The following AHRR variants were observed in gnomAD, a reference collection of about 807,000 sequenced individuals.
The protein encoded by AHRR is aryl hydrocarbon receptor repressor, also known as ahR repressor.
A neutral mutation model predicts 44.0 loss-of-function variants in AHRR; 28 were observed. The ratio of observed to expected loss-of-function variants is 0.64; its 90% CI spans 0.47 to 0.87. The LOEUF (loss-of-function observed/expected upper bound fraction) is 0.87. Among genes scored for constraint, AHRR ranks in the 40% least tolerant of loss-of-function variants. The pLI is 0.00. For synonymous variants in AHRR, 434 were observed against 407.0 expected (o/e 1.07, Z -0.80); for missense variants, 990 against 953.9 (o/e 1.04, Z -0.50).
chr5:363,583 T>G (rs962279933), intron 3 of AHRR, among the ~76,000 whole-genome samples: 1 of 152,202 alleles, frequency 6.6e-6, no homozygotes, highest in African/African-American at 2.4e-5. Flanking sequence ...TTAGGGTTAT[T>G]TCCACATGCA....
intron 4 of AHRR, among the ~76,000 whole-genome samples, chr5:403,541 C>T (rs1735116565): frequency 6.6e-6 from 1 of 151,118 alleles, no homozygotes; most frequent in South Asian, 2.1e-4. Context: ...GAGGCTGCAG[C>T]AGGAGAACTG....
rs553269092 is a variant in AHRR, at chr5:375,303, G to A, written c.245-1307G>A. Among the ~76,000 whole-genome samples the A allele has an allele frequency of 5.3e-5, 8 of 152,354 alleles. No homozygotes were observed. The East Asian group carries it at 7.7e-4, about 15-fold the overall frequency. ...AATAGACACGTGCGCTTTTCGATGA[G>A]GCGGTGCCCCTCAAACTTGATTTTC... is the stretch of plus-strand genomic sequence containing the variant. On this transcript the variant is annotated intron_variant, in intron 3 of 10. Transcript: ENST00000684583.
intron 2 of AHRR, among the ~76,000 whole-genome samples, chr5:350,925 A>G (rs7705398): frequency 0.086 from 13,035 of 151,930 alleles, 1,801 homozygotes; most frequent in African/African-American, 0.29. Context: ...AAACAACCCA[A>G]TTTAAAACTG....
At chr5:389,584 C>T (rs575625191) in intron 4 of AHRR, among the ~76,000 whole-genome samples, 146 of 152,104 alleles carry the variant, frequency 9.6e-4, no homozygotes, top group African/African-American at 3.3e-3. Context: ...GGCTCTTCCT[C>T]GGCCCTGCAG....
intron 1 of AHRR, among the ~76,000 whole-genome samples, chr5:323,850 C>T (rs76589558): frequency 0.092 from 14,049 of 152,122 alleles, 921 homozygotes; most frequent in Non-Finnish European, 0.12. Context: ...AACGGAGCTC[C>T]TTGCGGAGGA....
At chr5:430,496 G>A (rs1023049864) in intron 8 of AHRR, among the ~76,000 whole-genome samples, 4 of 152,232 alleles carry the variant, frequency 2.6e-5, no homozygotes, top group South Asian at 2.1e-4. Flanking sequence ...GCTCTGGGAC[G>A]CCCTGCTCAG....
chr5:387,707 C>T lies in AHRR; in HGVS notation c.351+10991C>T, dbSNP rs1033438781. Among the ~76,000 whole-genome samples the T allele has an allele frequency of 3.3e-5, 5 of 152,168 alleles. No individual in the cohort carries two copies. The highest frequency in any genetic ancestry group is 9.7e-5 in the African/African-American group (4 of 41,440). Reference sequence around the variant, plus strand: ...CATAGTGGTGATGGTGGTGGACGCTCGTGTTTTCTGAGTGTGATCGTGTGT... The same window carrying T: ...CATAGTGGTGATGGTGGTGGACGCTTGTGTTTTCTGAGTGTGATCGTGTGT... On this transcript the variant is annotated intron_variant, in intron 4 of 10. Transcript: ENST00000684583. The surrounding 1 kb of genome is among the most constrained non-coding windows in gnomAD (Gnocchi z 5.1).
chr5:362,680 C>T lies in AHRR; in HGVS notation c.244+8769C>T, dbSNP rs189072465. 4.6e-5 allele frequency among the ~76,000 whole-genome samples: 7 copies of T among 152,330 alleles called. No homozygotes were observed. In the East Asian group the frequency reaches 1.3e-3, roughly 29 times the overall value. On this transcript the variant is annotated intron_variant, in intron 3 of 10. Transcript: ENST00000684583. ...ACCCTGAGGTCCTCAGGAATGGTTT[C>T]CCAAGTACTGTTGTAGTTGTATGGC...
At position 432,743 on chromosome 5, in the gene AHRR, C is replaced by T. The variant is rs1405470931; in HGVS notation, c.971-63C>T. ...GTCCTGCCTTGCTGAGAACAAGCAA[C>T]CGTCTTCCAGGAGCTCCTCAGCTCG... On this transcript the variant is annotated intron_variant, in intron 9 of 10. Transcript: ENST00000684583. 4.1e-5 allele frequency: 66 copies of T among 1,612,990 alleles called. 2 individuals carry two copies. In the Middle Eastern group the frequency reaches 8.2e-4, roughly 20 times the overall value.
intron 4 of AHRR, among the ~76,000 whole-genome samples, chr5:410,860 T>C (rs751167662): frequency 3.3e-5 from 5 of 152,238 alleles, no homozygotes; most frequent in African/African-American, 1.2e-4. Context: ...TCTTCTTATA[T>C]CACTTTTGTT....
intron 4 of AHRR, among the ~76,000 whole-genome samples, chr5:382,809 G>C (rs1001562993): frequency 7.8e-6 from 1 of 128,684 alleles, no homozygotes; most frequent in African/African-American, 3.4e-5. Flanking sequence ...ACTTGCTCTA[G>C]TTTTAAATAT....
intron 3 of AHRR, among the ~76,000 whole-genome samples, chr5:369,803 G>T (rs1743502329): frequency 6.6e-6 from 1 of 152,226 alleles, no homozygotes; most frequent in South Asian, 2.1e-4. Flanking sequence ...ATCACTAAAT[G>T]ACATTTTCTT....
In AHRR at chr5:397,379, C is replaced by T. The variant is rs112108550; in HGVS notation, c.352-15965C>T. ...GTTAGCCCCTGACCATCCACGTAGC[C>T]CCTGACCATCCATGTTAGCCCCTGA... On this transcript the variant is annotated intron_variant, in intron 4 of 10. Transcript: ENST00000684583. 6.9e-3 allele frequency among the ~76,000 whole-genome samples: 849 copies of T among 123,628 alleles called. 21 individuals are homozygous for T. The highest frequency in any genetic ancestry group is 0.023 in the African/African-American group (805 of 35,362). 81.1% of individuals were successfully genotyped at this position (123,628 alleles called of 152,430 possible).
At position 404,456 on chromosome 5, in the gene AHRR, C is replaced by T. The variant is rs974187750; in HGVS notation, c.352-8888C>T. The stretch of plus-strand genomic sequence containing the variant: ...CAGGGGACCACTGTGCTGGTGCTGT[C>T]GTGCACGGTGTGTTCACCAAAACAT... On this transcript the variant is annotated intron_variant, in intron 4 of 10. Coordinates refer to ENST00000684583, the MANE Select transcript of AHRR (RefSeq NM_001377236.1). This position sits in a 1 kb window ranked among gnomAD's most constrained non-coding sequence, Gnocchi z 4.1. The T allele has an allele frequency of 1.5e-5, 8 of 519,762 alleles. No homozygotes were observed. Among genetic ancestry groups the T allele is most frequent in the African/African-American group, 7.9e-5 (4 of 50,700 alleles). The allele number at this position is 519,762 out of a possible 1,614,324, so 32.2% of individuals were successfully genotyped here. A position where few individuals can be genotyped will look rare whatever the true frequency, so the allele number is the denominator to read the frequency against.
intron 1 of AHRR, among the ~76,000 whole-genome samples, chr5:335,562 C>A (rs1041814288): frequency 1.8e-4 from 27 of 152,198 alleles, no homozygotes; most frequent in Admixed American, 5.9e-4. Context: ...TTGCTCTAGC[C>A]CCCTGAGTGC....
At chr5:423,730 T>A in intron 6 of AHRR, 111 bp from the exon 7 acceptor site, 1 of 1,384,924 alleles carries the variant, frequency 7.2e-7, no homozygotes, top group Non-Finnish European at 9.6e-7. Context: ...GATGGCACAG[T>A]GATAGGGTTT....
intron 4 of AHRR, among the ~76,000 whole-genome samples, chr5:386,094 T>C (rs959182288): frequency 6.6e-6 from 1 of 152,352 alleles, no homozygotes; most frequent in Middle Eastern, 3.4e-3. Context: ...GCTGGGACTT[T>C]TTAGCTTTTT....
At chr5:351,064 C>T (rs932734283) in intron 2 of AHRR, among the ~76,000 whole-genome samples, 1 of 152,102 alleles carries the variant, frequency 6.6e-6, no homozygotes, top group Non-Finnish European at 1.5e-5. Context: ...TACCACTTCA[C>T]ACACACCAGA....
intron 1 of AHRR, among the ~76,000 whole-genome samples, chr5:336,838 A>C (rs1055871973): frequency 6.6e-6 from 1 of 151,916 alleles, no homozygotes; most frequent in Admixed American, 6.6e-5. Flanking sequence ...TTTTTTTCAT[A>C]TTGTGTGAGG....
Sources: gnomAD v4.1 joint callset for allele counts (sites outside exome capture counted in the v4.1 genomes callset) on GRCh38, gnomAD v4.1.1 for gene constraint, Gnocchi (gnomAD v3.1) non-coding constraint, MANE v1.5 for transcripts, NCBI Gene and HGNC (gene_info 2026-07-23, HGNC 2026-07-21) for gene names.